Variants in PGM2L1 observed in about 807,000 individuals in gnomAD.
The protein encoded by PGM2L1 is glucose 1,6-bisphosphate synthase.
In PGM2L1, 35 loss-of-function variants were observed where a neutral mutation model predicts 73.4. The observed-to-expected ratio is 0.48, with a 90% CI of 0.36 to 0.63. The LOEUF (loss-of-function observed/expected upper bound fraction) is 0.63, where lower values mean the gene tolerates loss of function less well. PGM2L1 is among the 30% of genes least tolerant of loss of function. The pLI, the probability that PGM2L1 is intolerant of heterozygous loss-of-function variation, is 0.00. For missense variants in PGM2L1, 570 were observed against 742.0 expected (o/e 0.77, Z 2.69); for synonymous variants, 225 against 253.8 (o/e 0.89, Z 1.08).
chr11:74,353,294 A>G (rs1040645432), intron 5 of PGM2L1, among the ~76,000 whole-genome samples: 2 of 152,122 alleles, frequency 1.3e-5, no homozygotes, highest in Non-Finnish European at 2.9e-5. Flanking sequence ...TTGAATGTTA[A>G]AATTTCGACT....
intron 5 of PGM2L1, among the ~76,000 whole-genome samples, chr11:74,359,557 GTACA>G (rs1862520234): frequency 8.8e-6 from 1 of 113,836 alleles, no homozygotes; most frequent in East Asian, 3.0e-4. Context: ...ATATATACAC[GTACA>G]TACATATATA....
intron 1 of PGM2L1, among the ~76,000 whole-genome samples, chr11:74,392,967 T>C (rs1339942181): frequency 6.6e-6 from 1 of 152,200 alleles, no homozygotes; most frequent in African/African-American, 2.4e-5. Context: ...TGACCTAGGT[T>C]TGAGTCCCAA....
chr11:74,371,669 T>G (rs1212530971), intron 3 of PGM2L1, 42 bp downstream of exon 3: 3 of 1,538,116 alleles, frequency 2.0e-6, no homozygotes, highest in Admixed American at 1.7e-5. Flanking sequence ...AAATATGTTT[T>G]ATTCTATTTC....
rs2134963520 is a variant in PGM2L1 at position 74,398,110 on chromosome 11, AG to A, written c.51del (p.Tyr18ThrfsTer36). 6.2e-7 allele frequency: 1 copy of A among 1,612,214 alleles called. No individual in the cohort carries two copies. The highest frequency in any genetic ancestry group is 8.5e-7 in the Non-Finnish European group (1 of 1,178,934). ...GDLNSNLLHA[P>X]YHTGDPQLDT... is the part of the protein sequence containing the mutation. The stretch of plus-strand genomic sequence containing the variant: ...TCCAGCTGAGGGTCCCCGGTGTGGT[AG>A]GGGGCGTGGAGCAGGTTGGAGTTCA... On this transcript the variant is annotated frameshift_variant, in exon 1 of 14. Transcript: ENST00000298198. LOFTEE classifies it high-confidence loss of function.
intron 5 of PGM2L1, among the ~76,000 whole-genome samples, chr11:74,365,920 T>A (rs1175149197): frequency 6.6e-6 from 1 of 152,220 alleles, no homozygotes; most frequent in Non-Finnish European, 1.5e-5. Flanking sequence ...CACGTATGTT[T>A]ATTGCGGCAC....
At chr11:74,341,825 T>A (rs687063) in intron 12 of PGM2L1, among the ~76,000 whole-genome samples, 8,289 of 152,092 alleles carry the variant, frequency 0.054, 727 homozygotes, top group African/African-American at 0.19. Context: ...CTTAATTATA[T>A]GCTAAATAAG....
intron 5 of PGM2L1, chr11:74,354,728 A>C: frequency 9.3e-7 from 1 of 1,072,504 alleles, no homozygotes; most frequent in East Asian, 2.3e-5. Context: ...GAAAATTCTC[A>C]AACACCAGGT....
At chr11:74,355,193 T>C (rs1862424430) in intron 5 of PGM2L1, 3 of 1,431,582 alleles carry the variant, frequency 2.1e-6, no homozygotes, top group African/African-American at 1.4e-5. Context: ...GATTTGGTAA[T>C]GATGGAAGCA....
chr11:74,397,801 G>A (rs1043404345), intron 1 of PGM2L1: 5 of 364,650 alleles, frequency 1.4e-5, no homozygotes, highest in Non-Finnish European at 9.4e-6. Flanking sequence ...AAGGAAAGAG[G>A]GTAAAGAAGA....
chr11:74,351,870 G>A (rs952986203), intron 5 of PGM2L1, among the ~76,000 whole-genome samples: 1 of 151,756 alleles, frequency 6.6e-6, no homozygotes, highest in Non-Finnish European at 1.5e-5. Context: ...GCTGAGGCAG[G>A]AGAATAGCAT....
In PGM2L1 at chr11:74,336,591, T is replaced by A; in HGVS notation, c.*61A>T. 9.5e-7 allele frequency: 1 copy of A among 1,048,302 alleles called. No individual in the cohort carries two copies. The highest frequency in any genetic ancestry group is 1.4e-6 in the Non-Finnish European group (1 of 717,658). 64.9% of individuals were successfully genotyped at this position (1,048,302 alleles called of 1,614,324 possible). A position where few individuals can be genotyped will look rare whatever the true frequency, so the allele number is the denominator to read the frequency against. On this transcript the variant is annotated 3_prime_UTR_variant, in exon 14 of 14. Coordinates refer to ENST00000298198, the MANE Select transcript of PGM2L1 (RefSeq NM_173582.6). ...GAATGCTAACACAAGGTTCAATGTA[T>A]GCAGTTCTCGGTTGCTCTGTTCCAT...
chr11:74,371,012 T>A, intron 3 of PGM2L1, 26 bp from the exon 4 acceptor site: 1 of 1,585,584 alleles, frequency 6.3e-7, no homozygotes. Context: ...TTTAACTTAG[T>A]CCTTTGCCTA....
At chr11:74,382,647 C>T (rs1187851531) in intron 1 of PGM2L1, among the ~76,000 whole-genome samples, 1 of 152,050 alleles carries the variant, frequency 6.6e-6, no homozygotes, top group East Asian at 1.9e-4. Context: ...TACAGGCATA[C>T]ACCACTGTGC....
At chr11:74,388,960 TTTGA>T (rs1863052619) in intron 1 of PGM2L1, among the ~76,000 whole-genome samples, 1 of 152,162 alleles carries the variant, frequency 6.6e-6, no homozygotes, top group Non-Finnish European at 1.5e-5. Context: ...AACCTTTTAT[TTTGA>T]GGGAAAATAT....
Position 74,394,505 on chromosome 11 carries a change from G to A in PGM2L1, c.111+3546C>T, listed in dbSNP as rs192974324. Among the ~76,000 whole-genome samples the A allele has an allele frequency of 3.3e-5, 5 of 152,246 alleles. No individual in the cohort carries two copies. In the East Asian group the frequency reaches 9.6e-4, roughly 29 times the overall value. The stretch of plus-strand genomic sequence containing the variant: ...CCCCAAACTGCCCCAATAAACACCT[G>A]TCTTGTTGCATTGTTTTCTTTTTAA... On this transcript the variant is annotated intron_variant, in intron 1 of 13. Coordinates refer to ENST00000298198, the MANE Select transcript of PGM2L1 (RefSeq NM_173582.6).
intron 5 of PGM2L1, chr11:74,355,063 G>A (rs542096697): frequency 2.5e-5 from 32 of 1,302,274 alleles, no homozygotes; most frequent in Admixed American, 8.4e-5. Context: ...GGTGGTGGTC[G>A]TGGAGGTGGT....
At chr11:74,376,581 C>T (rs1862857838) in intron 1 of PGM2L1, among the ~76,000 whole-genome samples, 1 of 150,660 alleles carries the variant, frequency 6.6e-6, no homozygotes, top group South Asian at 2.1e-4. Context: ...TGTGTATATA[C>T]ACATTATGCA....
intron 10 of PGM2L1, 81 bp from the exon 11 acceptor site, chr11:74,343,095 C>A: frequency 1.4e-6 from 2 of 1,474,928 alleles, no homozygotes; most frequent in South Asian, 2.8e-5. Flanking sequence ...TCAGAAGGAC[C>A]AGGAAATTTA....
At chr11:74,389,854 AGCACTTTGT>A (rs1863067668) in intron 1 of PGM2L1, among the ~76,000 whole-genome samples, 1 of 147,840 alleles carries the variant, frequency 6.8e-6, no homozygotes, top group African/African-American at 2.5e-5. Flanking sequence ...CTGTAATCCC[AGCACTTTGT>A]GAGGCCGAGG....
Sources: allele counts gnomAD v4.1 joint callset (sites outside exome capture counted in the v4.1 genomes callset), GRCh38; gene constraint gnomAD v4.1.1; transcripts MANE v1.5; gene names NCBI Gene and HGNC (gene_info 2026-07-23, HGNC 2026-07-21).